The following CDKL1 variants were observed in gnomAD, a reference collection of about 807,000 sequenced individuals.
CDKL1 encodes cyclin dependent kinase like 1, also known as cyclin-dependent kinase-like 1.
Under a neutral mutation model 42.0 loss-of-function variants are expected in CDKL1, and 41 were observed. That is an observed-to-expected ratio of 0.98 (90% CI 0.76 to 1.27). The LOEUF (loss-of-function observed/expected upper bound fraction) is 1.27, where lower values mean the gene tolerates loss of function less well. CDKL1 is among the 50% of genes most tolerant of loss of function. The pLI is 0.00. For synonymous variants in CDKL1, 153 were observed against 158.6 expected (o/e 0.96, Z 0.26); for missense variants, 394 against 428.4 (o/e 0.92, Z 0.71).
intron 9 of CDKL1, 118 bp from the exon 10 acceptor site, chr14:50,330,299 C>A: frequency 7.8e-7 from 1 of 1,283,324 alleles, no homozygotes; most frequent in South Asian, 1.5e-5. Flanking sequence ...TTTTTTTGCA[C>A]ACAATCCAGG....
intron 3 of CDKL1, among the ~76,000 whole-genome samples, chr14:50,356,134 C>T (rs2034049626): frequency 1.3e-5 from 2 of 152,200 alleles, no homozygotes; most frequent in South Asian, 2.1e-4. Flanking sequence ...AGGCTGGTAA[C>T]CCAACCTGGC....
chr14:50,343,150 A>T, intron 4 of CDKL1: 49 of 448,744 alleles, frequency 1.1e-4, no homozygotes, highest in Non-Finnish European at 1.4e-4. Flanking sequence ...CCTAATTAAG[A>T]GTTACTTTTT....
chr14:50,337,982 A>G (rs527917335), intron 7 of CDKL1, among the ~76,000 whole-genome samples: 4 of 152,100 alleles, frequency 2.6e-5, no homozygotes, highest in African/African-American at 7.2e-5. Flanking sequence ...AGGTATTTCT[A>G]TTGTAAGGAT....
In CDKL1 at chr14:50,326,311, C is replaced by G. The variant is rs1421759714; in HGVS notation, c.*3763G>C. 1 of 529,624 alleles carries G rather than the reference C, an allele frequency of 1.9e-6. No homozygotes were observed. The highest frequency in any genetic ancestry group is 2.4e-6 in the Non-Finnish European group (1 of 414,408). 32.8% of individuals were successfully genotyped at this position (529,624 alleles called of 1,614,324 possible). A position where few individuals can be genotyped will look rare whatever the true frequency, so the allele number is the denominator to read the frequency against. ...TTAATATGTAAATCTATAGATATCT[C>G]TTGATGTAGATATTTAGAATCCTTT... On this transcript the variant is annotated 3_prime_UTR_variant, in exon 10 of 10. Transcript: ENST00000395834.
intron 2 of CDKL1, among the ~76,000 whole-genome samples, chr14:50,386,413 AAC>A (rs1281708704): frequency 6.6e-6 from 1 of 152,190 alleles, no homozygotes; most frequent in Non-Finnish European, 1.5e-5. Context: ...CAGCCTGGGC[AAC>A]AGAGTGAGAC....
At chr14:50,385,856 T>C (rs952511412) in intron 2 of CDKL1, among the ~76,000 whole-genome samples, 1 of 150,274 alleles carries the variant, frequency 6.7e-6, no homozygotes, top group Non-Finnish European at 1.5e-5. Flanking sequence ...GAATAGATCC[T>C]GGATTTAAAA....
intron 7 of CDKL1, among the ~76,000 whole-genome samples, chr14:50,336,742 G>T (rs2356244): frequency 0.43 from 65,139 of 151,766 alleles, 14,231 homozygotes; most frequent in East Asian, 0.62. Flanking sequence ...TACAATACAG[G>T]CTCATTAGAA....
At chr14:50,397,172 C>T (rs528259088), upstream of CDKL1, 80 of 1,366,534 alleles carry the variant, frequency 5.9e-5, 1 homozygote, top group Admixed American at 1.5e-3. Context: ...GCGCTAGGAG[C>T]CCCTCCTGAG....
At chr14:50,388,974 T>A (rs1381250938) in intron 2 of CDKL1, among the ~76,000 whole-genome samples, 1 of 151,856 alleles carries the variant, frequency 6.6e-6, no homozygotes, top group Non-Finnish European at 1.5e-5. Context: ...GGCACGCCCC[T>A]GTAGTCCTAT....
chr14:50,332,483 T>TTA, intron 8 of CDKL1, 51 bp from the exon 9 acceptor site: 1 of 1,552,276 alleles, frequency 6.4e-7, no homozygotes. Context: ...TTGTATTAAC[T>TTA]TATTAATGTC....
At chr14:50,375,993 T>C (rs749295120) in intron 2 of CDKL1, among the ~76,000 whole-genome samples, 1 of 152,128 alleles carries the variant, frequency 6.6e-6, no homozygotes, top group Non-Finnish European at 1.5e-5. Context: ...TCTGAGAAAC[T>C]GTCACAGCCA....
intron 3 of CDKL1, among the ~76,000 whole-genome samples, chr14:50,352,800 C>T (rs2033941466): frequency 6.6e-6 from 1 of 152,108 alleles, no homozygotes; most frequent in Non-Finnish European, 1.5e-5. Context: ...TTCAAAGGGG[C>T]AAGTGAACAT....
chr14:50,332,908 T>A, intron 8 of CDKL1: 1 of 297,940 alleles, frequency 3.4e-6, no homozygotes, highest in Admixed American at 4.9e-5. Context: ...AGCTACTTTT[T>A]TTTTTTTTTT....
intron 9 of CDKL1, chr14:50,331,962 A>G: frequency 7.1e-7 from 1 of 1,403,220 alleles, no homozygotes; most frequent in Non-Finnish European, 9.4e-7. Context: ...TCCAAAGCCC[A>G]AAAAGTCTCC....
chr14:50,382,930 G>GT (rs35801058), intron 2 of CDKL1, among the ~76,000 whole-genome samples: 231 of 140,954 alleles, frequency 1.6e-3, no homozygotes, highest in Middle Eastern at 0.011. Flanking sequence ...ACAGTTTTTT[G>GT]TTTTTTTTTT....
chr14:50,345,828 C>G (rs991050039), intron 3 of CDKL1, among the ~76,000 whole-genome samples: 4 of 152,186 alleles, frequency 2.6e-5, no homozygotes, highest in Non-Finnish European at 4.4e-5. Flanking sequence ...AGCCACTGCT[C>G]CCAGTACTTC....
rs778999738 is a variant in CDKL1 at position 50,330,058 on chromosome 14, A to T, written c.*16T>A. 6.2e-7 allele frequency: 1 copy of T among 1,601,398 alleles called. No individual in the cohort carries two copies. Among genetic ancestry groups the T allele is most frequent in the East Asian group, 2.2e-5 (1 of 44,568 alleles). On this transcript the variant is annotated 3_prime_UTR_variant, in exon 10 of 10. Transcript: ENST00000395834. ...ATCTATTGATTCCTTTTTTAAAATC[A>T]TGTCTCCTAGCTCCTTTAAATGTTT...
At chr14:50,378,492 A>G in intron 2 of CDKL1, 1 of 1,297,204 alleles carries the variant, frequency 7.7e-7, no homozygotes, top group Non-Finnish European at 1.0e-6. Flanking sequence ...CTTGGGACTT[A>G]ATTCTTGACA....
intron 3 of CDKL1, among the ~76,000 whole-genome samples, chr14:50,358,743 G>A (rs577897231): frequency 7.1e-6 from 1 of 141,348 alleles, no homozygotes; most frequent in South Asian, 2.3e-4. Context: ...AAGTTCAAGC[G>A]ATTCTCCTGC....
Sources: allele counts gnomAD v4.1 joint callset (sites outside exome capture counted in the v4.1 genomes callset), GRCh38; gene constraint gnomAD v4.1.1; transcripts MANE v1.5; gene names NCBI Gene and HGNC (gene_info 2026-07-23, HGNC 2026-07-21).